FANCM: variants seen among roughly 807,000 people sequenced by gnomAD.
FANCM encodes the protein Fanconi anemia group M protein.
Under a neutral mutation model 199.5 loss-of-function variants are expected in FANCM, and 140 were observed. The ratio of observed to expected loss-of-function variants is 0.70; its 90% CI spans 0.61 to 0.81. FANCM has a LOEUF of 0.81. Ranked by LOEUF, FANCM falls within the 30% of genes least tolerant of loss-of-function variation. The pLI, the probability that FANCM is intolerant of heterozygous loss-of-function variation, is 0.00. For synonymous variants in FANCM, 840 were observed against 836.8 expected (o/e 1.00, Z -0.07); for missense variants, 2,410 against 2,421.4 (o/e 1.00, Z 0.10).
At chr14:45,197,528 G>GCA (rs1890130453) in intron 21 of FANCM, among the ~76,000 whole-genome samples, 4 of 147,002 alleles carry the variant, frequency 2.7e-5, no homozygotes, top group East Asian at 2.1e-4. Context: ...GCAGTGGCAT[G>GCA]ATCTCGGCTC....
chr14:45,158,115 C>G (rs557267559), intron 8 of FANCM, among the ~76,000 whole-genome samples: 1 of 152,110 alleles, frequency 6.6e-6, no homozygotes, highest in Non-Finnish European at 1.5e-5. Flanking sequence ...GGAGGATCAC[C>G]TGAGCCCAAG....
At chr14:45,145,725 C>T (rs1376202786) in intron 3 of FANCM, among the ~76,000 whole-genome samples, 1 of 152,052 alleles carries the variant, frequency 6.6e-6, no homozygotes, top group Non-Finnish European at 1.5e-5. Context: ...GAGATCGAGA[C>T]CACACTGGCT....
Position 45,200,012 on chromosome 14 carries a change from A to G in FANCM, c.*4A>G, listed in dbSNP as rs1594488311. The G allele has an allele frequency of 6.2e-7, 1 of 1,604,702 alleles. No homozygotes were observed. The highest frequency in any genetic ancestry group is 8.5e-7 in the Non-Finnish European group (1 of 1,173,316). On this transcript the variant is annotated 3_prime_UTR_variant, in exon 23 of 23. Coordinates refer to ENST00000267430, the MANE Select transcript of FANCM (RefSeq NM_020937.4). ...TAGACTGAAATCTGATATATAATCA[A>G]GCTGCTCAAGATGGGGTTTTCAAAG...
chr14:45,153,997 A>G lies in FANCM; in HGVS notation c.1128A>G (p.Gln376=). The part of the protein sequence containing the change: ...SLYHGYELLQ[Q]MGMRSLYFFL... ...ATCATGGTTATGAATTATTGCAGCA[A>G]ATGGGAATGAGATCATTATATTTCT... Residue 376 remains glutamine (Q), a synonymous_variant, in exon 6 of 23, where the codon CAA becomes CAG. Coordinates refer to ENST00000267430, the MANE Select transcript of FANCM (RefSeq NM_020937.4). 1 of 1,588,248 alleles carries G rather than the reference A, an allele frequency of 6.3e-7. No homozygotes were observed. The highest frequency in any genetic ancestry group is 1.1e-5 in the South Asian group (1 of 90,526).
At chr14:45,158,798 A>T (rs189836707) in intron 8 of FANCM, among the ~76,000 whole-genome samples, 5 of 152,266 alleles carry the variant, frequency 3.3e-5, no homozygotes, top group East Asian at 3.9e-4. Context: ...AATATAGTTT[A>T]AAAAATTTCA....
intron 20 of FANCM, among the ~76,000 whole-genome samples, chr14:45,191,968 A>C (rs998561060): frequency 1.3e-5 from 2 of 152,088 alleles, no homozygotes; most frequent in African/African-American, 2.4e-5. Flanking sequence ...TACTCTAAGA[A>C]AACTAAGTAC....
At position 45,173,247 on chromosome 14, in the gene FANCM, T is replaced by C. The variant is rs914772671; in HGVS notation, c.2316+37T>C. 3.2e-6 allele frequency: 5 copies of C among 1,559,796 alleles called. No individual in the cohort carries two copies. The Admixed American group carries it at 6.7e-5, about 21-fold the overall frequency. On this transcript the variant is annotated intron_variant, in intron 13 of 22. Coordinates refer to ENST00000267430, the MANE Select transcript of FANCM (RefSeq NM_020937.4). ...TTGTAACTTTCTCTTGCTGGTATGA[T>C]AGTAAAACTAGAGTACTTAGCTTTT...
In FANCM at chr14:45,176,210, GAACAGT is replaced by G; in HGVS notation, c.3459_3464del (p.Asn1153_Ser1154del). 1 of 1,613,978 alleles carries G rather than the reference GAACAGT, an allele frequency of 6.2e-7. No homozygotes were observed. The highest frequency in any genetic ancestry group is 2.2e-5 in the East Asian group (1 of 44,858). ...TCGACGATGTGAGTCTTTCACCCTT[GAACAGT>G]AAAAGCGAATCTTTACCTGTGTCAG... On this transcript the variant is annotated inframe_deletion, in exon 14 of 23. Transcript: ENST00000267430.
intron 3 of FANCM, among the ~76,000 whole-genome samples, chr14:45,141,287 CAAAAAAA>C (rs534567010): frequency 1.8e-4 from 8 of 45,066 alleles, no homozygotes; most frequent in East Asian, 6.3e-4. Flanking sequence ...GGCTCCGTCT[CAAAAAAA>C]AAAAAAAAAA....
In FANCM at chr14:45,155,455, GAATGGTAGGTC is replaced by G. The variant is rs745787342; in HGVS notation, c.1394_1396+8del. 2 of 1,454,932 alleles carry G rather than the reference GAATGGTAGGTC, an allele frequency of 1.4e-6. No individual in the cohort carries two copies. Among genetic ancestry groups the G allele is most frequent in the South Asian group, 2.3e-5 (2 of 87,812 alleles). 90.1% of individuals were successfully genotyped at this position (1,454,932 alleles called of 1,614,324 possible). ...TTGTAATTGAACACTTCAAGTCATGGAATGGTAGGTCATATTTAGTAGCTTTAAGGCAAGAC... is the reference window on the plus strand; with the variant it reads ...TTGTAATTGAACACTTCAAGTCATGGATATTTAGTAGCTTTAAGGCAAGAC... On this transcript the variant is annotated splice_donor_variant and splice_donor_5th_base_variant and coding_sequence_variant and intron_variant, in exon 8 of 23. Coordinates refer to ENST00000267430, the MANE Select transcript of FANCM (RefSeq NM_020937.4). LOFTEE classifies it high-confidence loss of function.
Position 45,196,203 on chromosome 14 carries a change from C to G in FANCM, c.5372C>G (p.Ser1791Ter). 1.9e-6 allele frequency: 3 copies of G among 1,614,116 alleles called. No individual in the cohort carries two copies. The highest frequency in any genetic ancestry group is 1.3e-5 in the African/African-American group (1 of 75,046). Reference protein sequence around the residue: ...DGSALEDSSTSGASCSKSRPH... With the variant: ...DGSALEDSST ...AGTGCTTTGGAGGATTCTAGCACTT[C>G]AGGGGCATCCTGTTCCAAGTCAAGA... The change falls in exon 21 of 23, where the codon TCA (serine) becomes TGA (stop). Residue 1791 changes from serine to a stop codon, truncating the protein, a stop_gained. Coordinates refer to ENST00000267430, the MANE Select transcript of FANCM (RefSeq NM_020937.4). LOFTEE classifies it high-confidence loss of function.
chr14:45,145,466 T>C (rs1453409240), intron 3 of FANCM, among the ~76,000 whole-genome samples: 1 of 152,174 alleles, frequency 6.6e-6, no homozygotes, highest in East Asian at 1.9e-4. Context: ...TGTGGTGGCA[T>C]TGACTGAGTT....
chr14:45,170,897 T>A (rs1023890426), intron 12 of FANCM, 151 bp downstream of exon 12: 1 of 707,442 alleles, frequency 1.4e-6, no homozygotes, highest in Non-Finnish European at 2.5e-6. Context: ...AAATTAAGAA[T>A]GTAATCAGTG....
chr14:45,185,930 AC>A lies in FANCM; in HGVS notation c.4672+558del, dbSNP rs530221657. 3.2e-3 allele frequency among the ~76,000 whole-genome samples: 487 copies of A among 152,160 alleles called. 1 individual carries two copies. Among genetic ancestry groups the A allele is most frequent in the Non-Finnish European group, 5.5e-3 (375 of 67,994 alleles). ...TTTATTTTTTTAGAGACAGAGTCTT[AC>A]TCTGTTGCCCAGAGTAGGGTGCAGT... On this transcript the variant is annotated intron_variant, in intron 18 of 22. Transcript: ENST00000267430.
chr14:45,197,272 A>G (rs1890110850), intron 21 of FANCM, among the ~76,000 whole-genome samples: 2 of 152,170 alleles, frequency 1.3e-5, no homozygotes, highest in South Asian at 2.1e-4. Context: ...TCATCTTGTG[A>G]TATTATGAGA....
chr14:45,190,968 T>C (rs1459869397), intron 20 of FANCM, among the ~76,000 whole-genome samples: 1 of 152,160 alleles, frequency 6.6e-6, no homozygotes, highest in Admixed American at 6.5e-5. Flanking sequence ...CCTGGGCTCA[T>C]GTGATCCTCC....
rs148154311 is a variant in FANCM at position 45,176,860 on chromosome 14, A to T, written c.4106A>T (p.Asn1369Ile). The change falls in exon 14 of 23, where the codon AAC becomes ATC. Residue 1369 changes from asparagine to isoleucine, a missense_variant. Coordinates refer to ENST00000267430, the MANE Select transcript of FANCM (RefSeq NM_020937.4). The stretch of plus-strand genomic sequence containing the variant: ...CCAGATTCTAGTAAGGAAAAAGTAA[A>T]CCTACAAAGATTCAAAGAAGCATTG... Reference protein sequence around the residue: ...KTPDSSKEKVNLQRFKEALNS... With the variant: ...KTPDSSKEKVILQRFKEALNS... The T allele has an allele frequency of 4.0e-5, 65 of 1,607,530 alleles. No homozygotes were observed. The African/African-American group carries it at 7.1e-4, about 18-fold the overall frequency.
intron 4 of FANCM, 74 bp from the exon 5 acceptor site, chr14:45,151,323 A>G: frequency 4.2e-6 from 5 of 1,179,134 alleles, no homozygotes; most frequent in Non-Finnish European, 6.3e-6. Context: ...TCCTATTTTA[A>G]TATGTGAGAA....
intron 22 of FANCM, among the ~76,000 whole-genome samples, chr14:45,199,504 T>C (rs905276910): frequency 6.6e-6 from 1 of 152,188 alleles, no homozygotes; most frequent in South Asian, 2.1e-4. Context: ...ATGGCAGAAA[T>C]AGAGCTAGCT....
Sources: gnomAD v4.1 joint callset for allele counts (sites outside exome capture counted in the v4.1 genomes callset) on GRCh38, gnomAD v4.1.1 for gene constraint, MANE v1.5 for transcripts, NCBI Gene and HGNC (gene_info 2026-07-23, HGNC 2026-07-21) for gene names.